ETV1: variants seen among roughly 807,000 people sequenced by gnomAD.
ETV1 encodes ETS variant transcription factor 1.
In ETV1, 27 loss-of-function variants were observed where a neutral mutation model predicts 62.3. The ratio of observed to expected loss-of-function variants is 0.43; its 90% CI spans 0.32 to 0.60. ETV1 has a LOEUF of 0.60. ETV1 is among the 20% of genes least tolerant of loss of function. The pLI is 0.06. For missense variants in ETV1, 605 were observed against 605.8 expected (o/e 1.00, Z 0.01); for synonymous variants, 222 against 199.6 (o/e 1.11, Z -0.94).
chr7:13,948,208 T>A (rs1788393271), intron 6 of ETV1, among the ~76,000 whole-genome samples: 1 of 152,204 alleles, frequency 6.6e-6, no homozygotes, highest in African/African-American at 2.4e-5. Flanking sequence ...GTCACAATGA[T>A]GGAAAGGTCT....
chr7:13,986,023 A>G, intron 5 of ETV1: 2 of 1,023,324 alleles, frequency 2.0e-6, no homozygotes, highest in Non-Finnish European at 2.9e-6. Flanking sequence ...CAGCAAACAT[A>G]ACATGAATAG....
intron 6 of ETV1, among the ~76,000 whole-genome samples, chr7:13,949,045 T>G (rs549261906): frequency 7.2e-5 from 11 of 152,258 alleles, no homozygotes; most frequent in Non-Finnish European, 1.5e-4. Context: ...GGTGATGATG[T>G]ATAACATGGA....
chr7:13,900,694 T>C lies in ETV1; in HGVS notation c.1212+44A>G, dbSNP rs1353295471. On this transcript the variant is annotated intron_variant, in intron 13 of 13. Transcript: ENST00000430479. ...GTTTAAAGTATGATGTTCAGATTAA[T>C]GTGCAACATTTCAATGAATTTTAAT... The C allele has an allele frequency of 9.2e-6, 12 of 1,301,808 alleles. No individual in the cohort carries two copies. In the East Asian group the frequency reaches 2.7e-4, roughly 29 times the overall value. The allele number at this position is 1,301,808 out of a possible 1,614,324, so 80.6% of individuals were successfully genotyped here. A position where few individuals can be genotyped will look rare whatever the true frequency, so the allele number is the denominator to read the frequency against.
intron 9 of ETV1, among the ~76,000 whole-genome samples, chr7:13,928,369 C>A (rs1280041720): frequency 6.6e-6 from 1 of 152,148 alleles, no homozygotes; most frequent in Non-Finnish European, 1.5e-5. Flanking sequence ...GTAATCCCAG[C>A]ACTTTGGCAG....
chr7:13,952,260 T>G (rs1277645637), intron 6 of ETV1, among the ~76,000 whole-genome samples: 1 of 152,122 alleles, frequency 6.6e-6, no homozygotes, highest in East Asian at 1.9e-4. Context: ...CTGAAGCCAT[T>G]AGGCCAAGTC....
chr7:13,954,049 C>T (rs1350518925), intron 6 of ETV1, among the ~76,000 whole-genome samples: 2 of 152,120 alleles, frequency 1.3e-5, no homozygotes, highest in African/African-American at 4.8e-5. Flanking sequence ...ATTAATATTG[C>T]ATTGCCATAG....
At chr7:13,909,748 A>G (rs776000259) in intron 10 of ETV1, 48 bp from the exon 11 acceptor site, 1 of 1,430,296 alleles carries the variant, frequency 7.0e-7, no homozygotes, top group African/African-American at 1.4e-5. Flanking sequence ...AATGAAGCTC[A>G]CAAACACTTA....
chr7:13,979,445 T>A (rs1192715404), intron 5 of ETV1, among the ~76,000 whole-genome samples: 1 of 149,152 alleles, frequency 6.7e-6, no homozygotes, highest in Non-Finnish European at 1.5e-5. Flanking sequence ...ACACAACATA[T>A]TTTTTTGACA....
At chr7:13,943,022 CTG>C (rs1295647012) in intron 6 of ETV1, among the ~76,000 whole-genome samples, 3 of 151,750 alleles carry the variant, frequency 2.0e-5, no homozygotes, top group Non-Finnish European at 2.9e-5. Flanking sequence ...TCAAAAGACA[CTG>C]TTAAAAAAAA....
chr7:13,984,263 G>A (rs949644592), intron 5 of ETV1, among the ~76,000 whole-genome samples: 4 of 152,038 alleles, frequency 2.6e-5, no homozygotes, highest in South Asian at 2.1e-4. Flanking sequence ...TCTTGGCTAT[G>A]GAGCATTATG....
chr7:13,988,602 A>AAAAAAAG, intron 3 of ETV1: 1 of 1,195,594 alleles, frequency 8.4e-7, no homozygotes, highest in South Asian at 2.0e-5. Context: ...AATGAAAAAA[A>AAAAAAAG]AAAAAAAGAG....
chr7:13,959,507 C>G (rs1789901171), intron 6 of ETV1, among the ~76,000 whole-genome samples: 1 of 152,106 alleles, frequency 6.6e-6, no homozygotes, highest in African/African-American at 2.4e-5. Flanking sequence ...AAGTACCTAT[C>G]TATCTTTATC....
intron 6 of ETV1, among the ~76,000 whole-genome samples, chr7:13,966,727 CAG>C (rs1382452767): frequency 6.6e-6 from 1 of 152,120 alleles, no homozygotes; most frequent in African/African-American, 2.4e-5. Flanking sequence ...TGTAATAGAT[CAG>C]AGTCTGAATA....
chr7:13,943,093 T>C (rs1420290565), intron 6 of ETV1, among the ~76,000 whole-genome samples: 1 of 152,140 alleles, frequency 6.6e-6, no homozygotes, highest in Non-Finnish European at 1.5e-5. Flanking sequence ...GAAGAACTCA[T>C]TTAACAAAAT....
At chr7:13,900,877 T>A in intron 12 of ETV1, 38 bp from the exon 13 acceptor site, 1 of 1,314,952 alleles carries the variant, frequency 7.6e-7, no homozygotes, top group Non-Finnish European at 1.1e-6. Flanking sequence ...TGTTAAGTAT[T>A]AACTTATCAG....
chr7:13,896,141 G>A (rs1380904723), intron 13 of ETV1, 54 bp from the exon 14 acceptor site: 60 of 1,477,950 alleles, frequency 4.1e-5, no homozygotes, highest in Non-Finnish European at 5.3e-5. Flanking sequence ...AGATGGGGAA[G>A]GACAGGAAGG....
At chr7:13,940,138 G>T (rs939723604) in intron 6 of ETV1, among the ~76,000 whole-genome samples, 3 of 152,260 alleles carry the variant, frequency 2.0e-5, no homozygotes, top group Non-Finnish European at 2.9e-5. Context: ...CGAGGCAAGT[G>T]GATCACCTGA....
At chr7:13,973,770 T>C (rs1258076889) in intron 6 of ETV1, among the ~76,000 whole-genome samples, 1 of 152,190 alleles carries the variant, frequency 6.6e-6, no homozygotes, top group Non-Finnish European at 1.5e-5. Context: ...ATTCTCTAAT[T>C]AAAGTAAAAT....
At chr7:13,988,594 T>C (rs1447199072) in intron 3 of ETV1, 32 of 733,364 alleles carry the variant, frequency 4.4e-5, no homozygotes, top group Non-Finnish European at 4.9e-5. Context: ...AGTAGAGAAA[T>C]GAAAAAAAAA....
Sources: allele counts gnomAD v4.1 joint callset (sites outside exome capture counted in the v4.1 genomes callset), GRCh38; gene constraint gnomAD v4.1.1; transcripts MANE v1.5; gene names NCBI Gene and HGNC (gene_info 2026-07-23, HGNC 2026-07-21).